The following ERG variants were observed in gnomAD, a reference collection of about 807,000 sequenced individuals.
The protein encoded by ERG is transcriptional regulator ERG.
In ERG, 9 loss-of-function variants were observed where a neutral mutation model predicts 55.3. The ratio of observed to expected loss-of-function variants is 0.16; its 90% CI spans 0.10 to 0.28. The LOEUF is 0.28. ERG is among the 10% of genes least tolerant of loss of function. The pLI is 1.00. For synonymous variants in ERG, 223 were observed against 237.3 expected (o/e 0.94, Z 0.55); for missense variants, 434 against 631.6 (o/e 0.69, Z 3.35).
rs58861693 is a variant in ERG, at chr21:38,641,932, T to C, written c.-150+19726A>G. Reference sequence around the variant, plus strand: ...CCCACCCCAAGACAGCCTGATTCAATTGGCCTGGGATAGGACCTGGGCATC... The same window carrying C: ...CCCACCCCAAGACAGCCTGATTCAACTGGCCTGGGATAGGACCTGGGCATC... On this transcript the variant is annotated intron_variant, in intron 1 of 10. Coordinates refer to the ERG transcript ENST00000398910. Among the ~76,000 whole-genome samples, 724 of 152,350 alleles carry C rather than the reference T, an allele frequency of 4.8e-3. 8 individuals are homozygous for C. The highest frequency in any genetic ancestry group is 0.016 in the African/African-American group (683 of 41,582).
intron 3 of ERG, among the ~76,000 whole-genome samples, chr21:38,423,011 A>T (rs1989614752): frequency 1.3e-5 from 2 of 151,888 alleles, no homozygotes; most frequent in Non-Finnish European, 2.9e-5. Flanking sequence ...ACACGTGTGC[A>T]TATGTGTGTG....
At chr21:38,449,597 C>T (rs1044067022) in intron 1 of ERG, among the ~76,000 whole-genome samples, 8 of 152,090 alleles carry the variant, frequency 5.3e-5, no homozygotes, top group Admixed American at 1.3e-4. Context: ...TACATTAGAA[C>T]ACTGAAAAAG....
At chr21:38,462,741 G>C (rs943841936) in intron 1 of ERG, among the ~76,000 whole-genome samples, 4 of 152,116 alleles carry the variant, frequency 2.6e-5, no homozygotes, top group African/African-American at 9.7e-5. Flanking sequence ...TAACTGACGA[G>C]TGCTGCCCCA....
intron 2 of ERG, among the ~76,000 whole-genome samples, chr21:38,439,687 C>T (rs896313422): frequency 2.0e-5 from 3 of 152,250 alleles, no homozygotes; most frequent in Admixed American, 6.5e-5. Flanking sequence ...CCCACAAGGA[C>T]ATCCCAGTTG....
chr21:38,591,642 A>C (rs913053645), intron 1 of ERG, among the ~76,000 whole-genome samples: 2 of 152,206 alleles, frequency 1.3e-5, no homozygotes, highest in Non-Finnish European at 2.9e-5. Flanking sequence ...CAGCAAGCTG[A>C]GATTGCACCA....
intron 1 of ERG, among the ~76,000 whole-genome samples, chr21:38,618,276 C>CT (rs201614267): frequency 0.025 from 3,792 of 152,286 alleles, 47 homozygotes; most frequent in East Asian, 0.05. Flanking sequence ...GGCAGATGAT[C>CT]ATCTCGGAAC....
At chr21:38,463,415 G>A (rs1351600401) in intron 1 of ERG, among the ~76,000 whole-genome samples, 1 of 152,202 alleles carries the variant, frequency 6.6e-6, no homozygotes, top group African/African-American at 2.4e-5. Context: ...ATTCGTCAGG[G>A]CTGGGGGAAT....
chr21:38,378,339 A>C (rs8126492), downstream of ERG, among the ~76,000 whole-genome samples: 5,520 of 152,286 alleles, frequency 0.036, 314 homozygotes, highest in African/African-American at 0.12. Context: ...AGCACACCTC[A>C]TATCCAGGAA....
chr21:38,500,495 A>T (rs189459613), upstream of ERG, among the ~76,000 whole-genome samples: 1 of 152,308 alleles, frequency 6.6e-6, no homozygotes, highest in Admixed American at 6.5e-5. Context: ...ACTTACAGAA[A>T]AGCCACAAGA....
rs185051549 is a variant in ERG, at chr21:38,422,827, G to A, written c.388+583C>T. Among the ~76,000 whole-genome samples the A allele has an allele frequency of 4.2e-4, 64 of 152,298 alleles. 1 individual carries two copies. The highest frequency in any genetic ancestry group is 1.5e-3 in the African/African-American group (62 of 41,564). On this transcript the variant is annotated intron_variant, in intron 3 of 9. Transcript: ENST00000288319. The stretch of plus-strand genomic sequence containing the variant: ...GATGCTTAAGGGAACACGTAAGACA[G>A]CCATATAATATATGGCTCCCACATG...
chr21:38,518,673 G>A (rs1040977450), intron 2 of ERG, among the ~76,000 whole-genome samples: 6 of 152,010 alleles, frequency 3.9e-5, no homozygotes, highest in African/African-American at 1.4e-4. Context: ...CAAAAACTAT[G>A]AAGTTTCTGG....
At chr21:38,582,927 A>T (rs1019141479) in intron 1 of ERG, among the ~76,000 whole-genome samples, 2 of 152,188 alleles carry the variant, frequency 1.3e-5, no homozygotes, top group African/African-American at 4.8e-5. Flanking sequence ...AAATGTTGCA[A>T]CTTTTTAGGA....
intron 2 of ERG, among the ~76,000 whole-genome samples, chr21:38,442,451 C>T (rs17230554): frequency 0.072 from 10,927 of 152,192 alleles, 440 homozygotes; most frequent in South Asian, 0.11. Flanking sequence ...AGATGTTTCC[C>T]GGAAAGAGAC....
chr21:38,637,534 G>T (rs1460049810), intron 1 of ERG, among the ~76,000 whole-genome samples: 1 of 152,110 alleles, frequency 6.6e-6, no homozygotes, highest in Admixed American at 6.6e-5. Flanking sequence ...ATAAAATGAG[G>T]ATAAAAATGT....
intron 6 of ERG, among the ~76,000 whole-genome samples, chr21:38,397,965 G>C (rs987389465): frequency 1.3e-5 from 2 of 152,098 alleles, no homozygotes; most frequent in African/African-American, 4.8e-5. Context: ...CGGTTCCCTC[G>C]GATGTGGGAT....
At chr21:38,530,689 G>A (rs553838812) in intron 2 of ERG, among the ~76,000 whole-genome samples, 3 of 152,188 alleles carry the variant, frequency 2.0e-5, no homozygotes, top group African/African-American at 7.2e-5. Context: ...ACACATGAAG[G>A]CTCACTTACT....
intron 2 of ERG, among the ~76,000 whole-genome samples, chr21:38,518,338 G>A (rs527627722): frequency 1.3e-5 from 2 of 151,914 alleles, no homozygotes; most frequent in African/African-American, 4.8e-5. Flanking sequence ...AAAGAGTGAG[G>A]TAGGACAACC....
chr21:38,461,444 A>G (rs1461096019), intron 1 of ERG, among the ~76,000 whole-genome samples: 2 of 152,224 alleles, frequency 1.3e-5, no homozygotes, highest in African/African-American at 2.4e-5. Context: ...AACTCAGGGA[A>G]CACTATTCAA....
intron 6 of ERG, among the ~76,000 whole-genome samples, chr21:38,397,765 G>T (rs1287501597): frequency 1.3e-5 from 2 of 152,134 alleles, no homozygotes; most frequent in African/African-American, 4.8e-5. Flanking sequence ...ATGTGTAGGA[G>T]TCTCTGCAGA....
Sources: allele counts gnomAD v4.1 joint callset (sites outside exome capture counted in the v4.1 genomes callset), GRCh38; gene constraint gnomAD v4.1.1; transcripts MANE v1.5; gene names NCBI Gene and HGNC (gene_info 2026-07-23, HGNC 2026-07-21).